ATRNL1: variants seen among roughly 807,000 people sequenced by gnomAD.
ATRNL1 encodes the protein attractin-like protein 1.
Under a neutral mutation model 182.7 loss-of-function variants are expected in ATRNL1, and 95 were observed. That is an observed-to-expected ratio of 0.52 (90% CI 0.44 to 0.62). The LOEUF (loss-of-function observed/expected upper bound fraction) is 0.62. Among genes scored for constraint, ATRNL1 ranks in the 20% least tolerant of loss-of-function variants. The pLI is 0.00. For missense variants in ATRNL1, 1,471 were observed against 1,679.5 expected (o/e 0.88, Z 2.17); for synonymous variants, 576 against 568.3 (o/e 1.01, Z -0.19).
intron 10 of ATRNL1, among the ~76,000 whole-genome samples, chr10:115,264,766 T>C (rs1045633341): frequency 7.9e-5 from 12 of 151,720 alleles, no homozygotes; most frequent in Admixed American, 7.9e-4. Flanking sequence ...AGGTATTCTT[T>C]CAGTGAACAT....
chr10:115,463,787 A>G, intron 22 of ATRNL1, among the ~76,000 whole-genome samples: 1 of 152,034 alleles, frequency 6.6e-6, no homozygotes, highest in East Asian at 1.9e-4. Flanking sequence ...TTCATTTAGC[A>G]TAGTGTTTCC....
intron 26 of ATRNL1, among the ~76,000 whole-genome samples, chr10:115,713,461 G>GTTTGTGTGTGTA (rs1555055202): frequency 6.9e-5 from 10 of 145,938 alleles, no homozygotes; most frequent in Admixed American, 2.1e-4. Flanking sequence ...GTGTGTGTGT[G>GTTTGTGTGTGTA]TGTGTTTGTG....
intron 27 of ATRNL1, among the ~76,000 whole-genome samples, chr10:115,823,677 A>G (rs186128077): frequency 2.1e-4 from 32 of 152,312 alleles, no homozygotes; most frequent in Non-Finnish European, 3.7e-4. Flanking sequence ...CCCATTCACA[A>G]TTGCTACAAA....
At chr10:115,637,596 T>TTTATTACTA (rs1555028648) in intron 26 of ATRNL1, among the ~76,000 whole-genome samples, 6 of 97,302 alleles carry the variant, frequency 6.2e-5, no homozygotes, top group African/African-American at 2.3e-4. Context: ...CTAAAGTCAA[T>TTTATTACTA]TTATTACTAT....
chr10:115,793,077 T>C (rs1035579528), intron 27 of ATRNL1, among the ~76,000 whole-genome samples: 3 of 152,016 alleles, frequency 2.0e-5, no homozygotes, highest in Non-Finnish European at 2.9e-5. Context: ...AAACATTTTT[T>C]CATCACTACC....
chr10:115,360,048 A>C (rs1213141769), intron 19 of ATRNL1, among the ~76,000 whole-genome samples: 5 of 151,720 alleles, frequency 3.3e-5, no homozygotes, highest in Admixed American at 6.6e-5. Context: ...AATTATTCAC[A>C]TATGATATTT....
Position 115,646,949 on chromosome 10 carries a change from C to T in ATRNL1, c.3796-80299C>T, listed in dbSNP as rs868989860. ...CTAATGCTAGCCCTCCCCCCTCCCC[C>T]CCTCCCCCCACCCCACAACAGGCCC... is the stretch of plus-strand genomic sequence containing the variant. On this transcript the variant is annotated intron_variant, in intron 26 of 28. Transcript: ENST00000355044. Among the ~76,000 whole-genome samples, 933 of 117,824 alleles carry T rather than the reference C, an allele frequency of 7.9e-3. 11 individuals carry two copies. Among genetic ancestry groups the T allele is most frequent in the African/African-American group, 0.027 (862 of 31,496 alleles). The allele number at this position is 117,824 out of a possible 152,430, so 77.3% of individuals were successfully genotyped here. A position where few individuals can be genotyped will look rare whatever the true frequency, so the allele number is the denominator to read the frequency against.
intron 27 of ATRNL1, among the ~76,000 whole-genome samples, chr10:115,846,493 T>G (rs1950931776): frequency 6.6e-6 from 1 of 152,128 alleles, no homozygotes; most frequent in Non-Finnish European, 1.5e-5. Flanking sequence ...GAAAAAAACC[T>G]GAACAAATCA....
At chr10:115,914,088 G>A (rs1952770495) in intron 28 of ATRNL1, among the ~76,000 whole-genome samples, 1 of 152,230 alleles carries the variant, frequency 6.6e-6, no homozygotes, top group East Asian at 1.9e-4. Context: ...CAGGAGATCT[G>A]ATGGTTTTAT....
In ATRNL1 at chr10:115,215,844, A is replaced by G; in HGVS notation, c.1496A>G (p.Asp499Gly). Residue 499 changes from aspartate (D) to glycine (G), a missense_variant, in exon 9 of 29, where the codon GAT becomes GGT. Physicochemically the swap from Asp to Gly is moderately conservative, Grantham distance 94. Around this residue, in one of 3 missense-constraint regions of ATRNL1, gnomAD observed 1,031 missense variants for 1,156.0 expected, o/e 0.89. Transcript: ENST00000355044. ...ALPGNKYGLV[D>G]DLYKYEVNTK... is the part of the protein sequence containing the mutation. ...CCAGGGAACAAATATGGATTGGTTGATGATCTTTATAAATATGAAGTTAAC... is the reference window on the plus strand; with the variant it reads ...CCAGGGAACAAATATGGATTGGTTGGTGATCTTTATAAATATGAAGTTAAC... The G allele has an allele frequency of 6.3e-7, 1 of 1,583,978 alleles. No homozygotes were observed. The highest frequency in any genetic ancestry group is 8.5e-7 in the Non-Finnish European group (1 of 1,169,722).
In ATRNL1 at chr10:115,215,803, A is replaced by G; in HGVS notation, c.1455A>G (p.Gly485=). The change falls in exon 9 of 29, where the codon GGA becomes GGG. Residue 485 remains glycine (G), a synonymous_variant. Transcript: ENST00000355044. The part of the protein sequence containing the change: ...DEITKSIYVH[G]GYKALPGNKY... Reference sequence around the variant, plus strand: ...TAACAAAGTCCATTTATGTTCATGGAGGGTATAAAGCATTGCCAGGGAACA... The same window carrying G: ...TAACAAAGTCCATTTATGTTCATGGGGGGTATAAAGCATTGCCAGGGAACA... 1.2e-6 allele frequency: 2 copies of G among 1,608,762 alleles called. No homozygotes were observed. Among genetic ancestry groups the G allele is most frequent in the Middle Eastern group, 1.7e-4 (1 of 6,044 alleles).
At position 115,287,936 on chromosome 10, in the gene ATRNL1, T is replaced by G. The variant is rs567832724; in HGVS notation, c.2415+1539T>G. ...TATAAGATCAACTGTTTTTTTTTTTTTTTTTTTTTTTAGCTTCCACTTATG... is the reference window on the plus strand; with the variant it reads ...TATAAGATCAACTGTTTTTTTTTTTGTTTTTTTTTTTAGCTTCCACTTATG... On this transcript the variant is annotated intron_variant, in intron 15 of 28. Transcript: ENST00000355044. Among the ~76,000 whole-genome samples the G allele has an allele frequency of 1.5e-3, 228 of 150,346 alleles. 1 individual carries two copies. The highest frequency in any genetic ancestry group is 5.0e-3 in the African/African-American group (203 of 40,948).
chr10:115,488,657 G>A (rs1554975730), intron 24 of ATRNL1, among the ~76,000 whole-genome samples: 2 of 151,852 alleles, frequency 1.3e-5, no homozygotes, highest in African/African-American at 4.8e-5. Flanking sequence ...GTATTTTGTG[G>A]ATCTTTTCAA....
At chr10:115,626,517 G>T (rs573228829) in intron 26 of ATRNL1, among the ~76,000 whole-genome samples, 1 of 152,268 alleles carries the variant, frequency 6.6e-6, no homozygotes, top group African/African-American at 2.4e-5. Context: ...GTTACAGTAA[G>T]TTAATACCAT....
At chr10:115,107,092 A>G (rs548432539) in intron 1 of ATRNL1, among the ~76,000 whole-genome samples, 1 of 152,248 alleles carries the variant, frequency 6.6e-6, no homozygotes, top group South Asian at 2.1e-4. Context: ...TCATGGTTTA[A>G]TCACCTCCCA....
Position 115,198,517 on chromosome 10 carries a change from T to A in ATRNL1, c.1349-17180T>A, listed in dbSNP as rs374250084. ...CTATGCAGAAGCTTGTTTGATGTAA[T>A]ATCATTTGTCTACTTTTGCTTTTGT... On this transcript the variant is annotated intron_variant, in intron 8 of 28. Coordinates refer to ENST00000355044, the MANE Select transcript of ATRNL1 (RefSeq NM_207303.4). Among the ~76,000 whole-genome samples the A allele has an allele frequency of 7.9e-4, 120 of 152,322 alleles. 2 individuals carry two copies. In the South Asian group the frequency reaches 0.024, roughly 31 times the overall value.
intron 25 of ATRNL1, among the ~76,000 whole-genome samples, chr10:115,545,121 C>G (rs1852574333): frequency 1.3e-5 from 2 of 148,218 alleles, no homozygotes; most frequent in South Asian, 4.3e-4. Context: ...ATTTAAAAAC[C>G]AATTTAGGGA....
At chr10:115,714,266 C>T (rs1555055682) in intron 26 of ATRNL1, among the ~76,000 whole-genome samples, 2 of 151,944 alleles carry the variant, frequency 1.3e-5, no homozygotes, top group South Asian at 4.1e-4. Context: ...TATCACATGA[C>T]CATGAAAGGT....
intron 28 of ATRNL1, among the ~76,000 whole-genome samples, chr10:115,879,332 T>C (rs1404311160): frequency 8.2e-6 from 1 of 122,206 alleles, no homozygotes; most frequent in African/African-American, 3.1e-5. Context: ...AAGAAAGAAA[T>C]TTTATAGATT....
Sources: allele counts gnomAD v4.1 joint callset (sites outside exome capture counted in the v4.1 genomes callset), GRCh38; gene constraint gnomAD v4.1.1; regional missense constraint gnomAD v4.1.1; transcripts MANE v1.5; gene names NCBI Gene and HGNC (gene_info 2026-07-23, HGNC 2026-07-21).